PRSS2: variants seen among roughly 807,000 people sequenced by gnomAD.
The protein encoded by PRSS2 is serine protease 2.
Under a neutral mutation model 19.2 loss-of-function variants are expected in PRSS2, and 19 were observed. The observed-to-expected ratio is 0.99, with a 90% CI of 0.69 to 1.45. The LOEUF (loss-of-function observed/expected upper bound fraction) is 1.45. Ranked by LOEUF, PRSS2 falls within the 40% of genes most tolerant of loss-of-function variation. The pLI, the probability that PRSS2 is intolerant of heterozygous loss-of-function variation, is 0.00. For missense variants in PRSS2, 288 were observed against 294.4 expected (o/e 0.98, Z 0.16); for synonymous variants, 107 against 117.5 (o/e 0.91, Z 0.58).
chr7:142,774,128 C>A, intron 4 of PRSS2, 73 bp downstream of exon 4: 2 of 1,511,884 alleles, frequency 1.3e-6, no homozygotes, highest in Non-Finnish European at 1.8e-6. Context: ...ATTTGAACTC[C>A]CAAGGTGGCG....
rs781754312 is a variant in PRSS2, at chr7:142,773,477, G to C, written c.412G>C (p.Glu138Gln). Residue 138 changes from glutamate (E) to glutamine (Q), a missense_variant, in exon 3 of 5, where the codon GAG (glutamate) becomes CAG (glutamine). By Grantham distance (29) the Glu-to-Gln change is conservative (BLOSUM62 2). Coordinates refer to ENST00000539842, the MANE Select transcript of PRSS2 (RefSeq NM_002770.4). ...LPTAPPAAGTESLISGWGNTL... is the reference protein window; with the variant it reads ...LPTAPPAAGTQSLISGWGNTL... The stretch of plus-strand genomic sequence containing the variant: ...CACTGCCCCTCCAGCTGCTGGCACC[G>C]AGTCCCTCATCTCCGGCTGGGGCAA... 6.3e-7 allele frequency: 1 copy of C among 1,597,254 alleles called. No individual in the cohort carries two copies. The highest frequency in any genetic ancestry group is 8.6e-7 in the Non-Finnish European group (1 of 1,165,102).
Position 142,773,962 on chromosome 7 carries a change from G to C in PRSS2, c.498G>C (p.Leu166=). Residue 166 remains leucine (L), a synonymous_variant, in exon 4 of 5, where the codon CTG becomes CTC. Coordinates refer to ENST00000539842, the MANE Select transcript of PRSS2 (RefSeq NM_002770.4). ...TGCAGTGCCTGGATGCTCCTGTGCTGAGCCAGGCTGAGTGTGAAGCCTCCT... is the reference window on the plus strand; with the variant it reads ...TGCAGTGCCTGGATGCTCCTGTGCTCAGCCAGGCTGAGTGTGAAGCCTCCT... ...DELQCLDAPV[L]SQAECEASYP... 6.2e-7 allele frequency: 1 copy of C among 1,612,746 alleles called. No individual in the cohort carries two copies. Among genetic ancestry groups the C allele is most frequent in the Admixed American group, 1.7e-5 (1 of 60,034 alleles).
chr7:142,773,602 GC>G, intron 3 of PRSS2, 83 bp downstream of exon 3: 1 of 1,261,770 alleles, frequency 7.9e-7, no homozygotes. Flanking sequence ...AAATCCTCTC[GC>G]CTCCAGGCTT....
rs1438268522 is a variant in PRSS2, at chr7:142,772,829, G to A, written c.201-437G>A. ...ATTCCCAGGAGATGCTAATGCTATG[G>A]CTACCCTTGGATTAGATTACACAGA... On this transcript the variant is annotated intron_variant, in intron 2 of 4. Coordinates refer to ENST00000539842, the MANE Select transcript of PRSS2 (RefSeq NM_002770.4). 2.0e-5 allele frequency among the ~76,000 whole-genome samples: 3 copies of A among 152,336 alleles called. No homozygotes were observed. In the East Asian group the frequency reaches 5.8e-4, roughly 29 times the overall value.
chr7:142,772,250 G>T (rs1328524692), intron 2 of PRSS2, 42 bp downstream of exon 2: 98 of 1,605,454 alleles, frequency 6.1e-5, no homozygotes, highest in Non-Finnish European at 8.3e-5. Context: ...CAGCCAGGCT[G>T]CCTGGGAGAG....
At position 142,773,974 on chromosome 7, in the gene PRSS2, G is replaced by C. The variant is rs1323491960; in HGVS notation, c.510G>C (p.Glu170Asp). Residue 170 changes from glutamate (E) to aspartate (D), a missense_variant, in exon 4 of 5, where the codon GAG (glutamate) becomes GAC (aspartate). By Grantham distance (45) the Glu-to-Asp change is conservative. Coordinates refer to ENST00000539842, the MANE Select transcript of PRSS2 (RefSeq NM_002770.4). ...ATGCTCCTGTGCTGAGCCAGGCTGA[G>C]TGTGAAGCCTCCTACCCTGGAAAGA... The part of the protein sequence containing the change: ...CLDAPVLSQA[E>D]CEASYPGKIT... The C allele has an allele frequency of 1.2e-6, 2 of 1,611,908 alleles. No individual in the cohort carries two copies. The highest frequency in any genetic ancestry group is 1.7e-6 in the Non-Finnish European group (2 of 1,177,984).
At position 142,773,457 on chromosome 7, in the gene PRSS2, C is replaced by G; in HGVS notation, c.392C>G (p.Ala131Gly). Residue 131 changes from alanine to glycine, a missense_variant, in exon 3 of 5, where the codon GCC (alanine) becomes GGC (glycine). Coordinates refer to ENST00000539842, the MANE Select transcript of PRSS2 (RefSeq NM_002770.4). The stretch of plus-strand genomic sequence containing the variant: ...GTGTCCGCCATCTCTCTGCCCACTG[C>G]CCCTCCAGCTGCTGGCACCGAGTCC... ...SRVSAISLPT[A>G]PPAAGTESLI... 6.2e-7 allele frequency: 1 copy of G among 1,600,574 alleles called. No individual in the cohort carries two copies. The highest frequency in any genetic ancestry group is 8.6e-7 in the Non-Finnish European group (1 of 1,168,038).
chr7:142,773,375 C>A lies in PRSS2; in HGVS notation c.310C>A (p.Leu104Met). 1 of 1,613,530 alleles carries A rather than the reference C, an allele frequency of 6.2e-7. No individual in the cohort carries two copies. Among genetic ancestry groups the A allele is most frequent in the Non-Finnish European group, 8.5e-7 (1 of 1,179,412 alleles). The change falls in exon 3 of 5, where the codon CTG becomes ATG. Residue 104 changes from leucine (L) to methionine (M), a missense_variant. Transcript: ENST00000539842. Reference sequence around the variant, plus strand: ...CCACCCCAAATACAACAGCCGGACTCTGGACAATGACATCCTGCTGATCAA... The same window carrying A: ...CCACCCCAAATACAACAGCCGGACTATGGACAATGACATCCTGCTGATCAA... The part of the protein sequence containing the change: ...IRHPKYNSRT[L>M]DNDILLIKLS...
rs746031142 is a variant in PRSS2 at position 142,771,040 on chromosome 7, C to G, written c.40+18C>G. ...AGCTGCTGGTGAGTTTCACGCCCTG[C>G]CTCAGGCCTCAACCAACCCTTCCCT... On this transcript the variant is annotated intron_variant, in intron 1 of 4. Transcript: ENST00000539842. 1.9e-6 allele frequency: 1 copy of G among 532,476 alleles called. No homozygotes were observed. Among genetic ancestry groups the G allele is most frequent in the Non-Finnish European group, 3.4e-6 (1 of 296,260 alleles). 33.0% of individuals were successfully genotyped at this position (532,476 alleles called of 1,614,324 possible).
At position 142,774,412 on chromosome 7, in the gene PRSS2, G is replaced by A. The variant is rs1232042132; in HGVS notation, c.648G>A (p.Trp216Ter). The change falls in exon 5 of 5, where the codon TGG (tryptophan) becomes TGA (stop). Residue 216 changes from tryptophan (W) to a stop codon, truncating the protein, a stop_gained. Coordinates refer to ENST00000539842, the MANE Select transcript of PRSS2 (RefSeq NM_002770.4). LOFTEE classifies it high-confidence loss of function. ...SNGELQGIVS[W>*]GYGCAQKNRP... ...GAGAGCTCCAAGGAATTGTCTCCTG[G>A]GGCTATGGCTGTGCCCAGAAGAACA... The A allele has an allele frequency of 9.2e-5, 146 of 1,581,574 alleles. 1 individual carries two copies. The highest frequency in any genetic ancestry group is 1.2e-4 in the Non-Finnish European group (137 of 1,150,880).
At position 142,773,944 on chromosome 7, in the gene PRSS2, C is replaced by T. The variant is rs1554507015; in HGVS notation, c.480C>T (p.Cys160=). 3 of 1,613,256 alleles carry T rather than the reference C, an allele frequency of 1.9e-6. No homozygotes were observed. Among genetic ancestry groups the T allele is most frequent in the Non-Finnish European group, 2.5e-6 (3 of 1,179,164 alleles). Residue 160 remains cysteine, a synonymous_variant, in exon 4 of 5, where the codon TGC becomes TGT. Coordinates refer to ENST00000539842, the MANE Select transcript of PRSS2 (RefSeq NM_002770.4). ...SGADYPDELQ[C]LDAPVLSQAE... ...CCGACTACCCAGACGAGCTGCAGTG[C>T]CTGGATGCTCCTGTGCTGAGCCAGG...
At chr7:142,772,539 C>A in intron 2 of PRSS2, 8 of 684,020 alleles carry the variant, frequency 1.2e-5, no homozygotes, top group Non-Finnish European at 1.3e-5. Context: ...CTTAAAAATA[C>A]TGATCCCTGT....
intron 1 of PRSS2, among the ~76,000 whole-genome samples, chr7:142,771,845 A>G (rs1030485826): frequency 9.8e-3 from 684 of 70,022 alleles, no homozygotes; most frequent in African/African-American, 0.016. Context: ...GAACCCCCAC[A>G]GGGTACCTAG....
At position 142,772,011 on chromosome 7, in the gene PRSS2, C is replaced by T. The variant is rs770373232; in HGVS notation, c.41-38C>T. The T allele has an allele frequency of 2.2e-5, 35 of 1,613,712 alleles. 1 individual carries two copies. The highest frequency in any genetic ancestry group is 1.5e-4 in the South Asian group (14 of 91,066). Reference sequence around the variant, plus strand: ...GGCTGGGAGCGCCACCCCTAACATGCTACTGACTTGCCTTCTCCCTTCCCA... The same window carrying T: ...GGCTGGGAGCGCCACCCCTAACATGTTACTGACTTGCCTTCTCCCTTCCCA... On this transcript the variant is annotated intron_variant, in intron 1 of 4. Transcript: ENST00000539842.
intron 2 of PRSS2, among the ~76,000 whole-genome samples, chr7:142,772,779 G>C (rs969100392): frequency 1.3e-5 from 2 of 152,114 alleles, no homozygotes; most frequent in Non-Finnish European, 2.9e-5. Context: ...TGGGGGTAAG[G>C]ACCAAGAACT....
chr7:142,772,305 G>T (rs903326655), intron 2 of PRSS2, 97 bp downstream of exon 2: 12 of 1,402,022 alleles, frequency 8.6e-6, no homozygotes, highest in Non-Finnish European at 1.2e-5. Flanking sequence ...TAGGACGGAC[G>T]AGAGAGATGG....
intron 1 of PRSS2, among the ~76,000 whole-genome samples, 159 bp downstream of exon 1, chr7:142,771,181 T>G (rs958078415): frequency 5.3e-5 from 8 of 152,132 alleles, no homozygotes; most frequent in African/African-American, 1.7e-4. Flanking sequence ...TTTTTAAGCC[T>G]CACTTGTTCC....
chr7:142,774,347 TC>T lies in PRSS2; in HGVS notation c.592-3del, dbSNP rs769566056. On this transcript the variant is annotated splice_polypyrimidine_tract_variant and splice_region_variant and intron_variant, in intron 4 of 4. Coordinates refer to ENST00000539842, the MANE Select transcript of PRSS2 (RefSeq NM_002770.4). The stretch of plus-strand genomic sequence containing the variant: ...TCTCTTCATACAACTTGTCCCTTCT[TC>T]CCCCCAGGGTGATTCTGGTGGCCCT... 1.7e-6 allele frequency: 2 copies of T among 1,174,576 alleles called. No homozygotes were observed. The highest frequency in any genetic ancestry group is 2.3e-5 in the East Asian group (1 of 43,100). 72.8% of individuals were successfully genotyped at this position (1,174,576 alleles called of 1,614,324 possible). A position where few individuals can be genotyped will look rare whatever the true frequency, so the allele number is the denominator to read the frequency against.
chr7:142,773,499 G>A lies in PRSS2; in HGVS notation c.434G>A (p.Gly145Asp). Residue 145 changes from glycine to aspartate, a missense_variant, in exon 3 of 5, where the codon GGC (glycine) becomes GAC (aspartate). Transcript: ENST00000539842. ...AGTESLISGW[G>D]NTLSSGADYP... ...ACCGAGTCCCTCATCTCCGGCTGGG[G>A]CAACACTCTGAGTTCTGGTGGTGAG... 3.1e-6 allele frequency: 5 copies of A among 1,591,596 alleles called. No homozygotes were observed. Among genetic ancestry groups the A allele is most frequent in the East Asian group, 2.2e-5 (1 of 44,604 alleles).
Sources: allele counts gnomAD v4.1 joint callset (sites outside exome capture counted in the v4.1 genomes callset), GRCh38; gene constraint gnomAD v4.1.1; transcripts MANE v1.5; gene names NCBI Gene and HGNC (gene_info 2026-07-23, HGNC 2026-07-21).